Variants in FBXO36 observed in about 807,000 individuals in gnomAD.
FBXO36 encodes the protein F-box protein 36.
Under a neutral mutation model 17.0 loss-of-function variants are expected in FBXO36, and 18 were observed. That is an observed-to-expected ratio of 1.06 (90% CI 0.73 to 1.57). FBXO36 has a LOEUF of 1.57. FBXO36 is among the 40% of genes most tolerant of loss of function. The pLI is 0.00. For missense variants in FBXO36, 229 were observed against 221.9 expected (o/e 1.03, Z -0.20); for synonymous variants, 83 against 85.3 (o/e 0.97, Z 0.15).
At chr2:229,944,802 C>A (rs903489116) in intron 1 of FBXO36, among the ~76,000 whole-genome samples, 3 of 151,856 alleles carry the variant, frequency 2.0e-5, no homozygotes, top group Admixed American at 2.0e-4. Flanking sequence ...ACCATGTTAG[C>A]CAGGATGGTC....
chr2:229,988,331 C>G (rs2077279606), intron 2 of FBXO36, among the ~76,000 whole-genome samples: 1 of 152,072 alleles, frequency 6.6e-6, no homozygotes, highest in South Asian at 2.1e-4. Flanking sequence ...GATGTAAACA[C>G]TTTTGCTTTT....
At chr2:229,999,474 A>C (rs1379531969) in intron 3 of FBXO36, among the ~76,000 whole-genome samples, 1 of 145,842 alleles carries the variant, frequency 6.9e-6, no homozygotes, top group African/African-American at 2.5e-5. Context: ...TCCTTTTGAG[A>C]GTGTGTGTGT....
intron 2 of FBXO36, among the ~76,000 whole-genome samples, chr2:229,983,130 C>A (rs2077249566): frequency 1.3e-5 from 2 of 152,042 alleles, no homozygotes; most frequent in Admixed American, 1.3e-4. Context: ...AATCCCAGCA[C>A]TTTGGGAAGC....
intron 1 of FBXO36, among the ~76,000 whole-genome samples, chr2:229,970,336 A>G (rs887225602): frequency 1.3e-5 from 2 of 152,210 alleles, no homozygotes; most frequent in Middle Eastern, 3.2e-3. Flanking sequence ...CCTGGGCAAC[A>G]TAGTGAGATG....
At position 230,010,940 on chromosome 2, in the gene FBXO36, T is replaced by C; in HGVS notation, c.*56T>C. The C allele has an allele frequency of 6.7e-7, 1 of 1,489,508 alleles. No individual in the cohort carries two copies. The allele number at this position is 1,489,508 out of a possible 1,614,324, so 92.3% of individuals were successfully genotyped here. On this transcript the variant is annotated 3_prime_UTR_variant, in exon 4 of 4. Coordinates refer to ENST00000283946, the MANE Select transcript of FBXO36 (RefSeq NM_174899.5). The stretch of plus-strand genomic sequence containing the variant: ...GGCATGGCTGTGTTTCTCTTCAGTG[T>C]CCAAATCTCTTCTGTCTCCTTTTCT...
In FBXO36 at chr2:229,982,412, CCTT is replaced by C. The variant is rs1262067854; in HGVS notation, c.205+6066_205+6068del. Among the ~76,000 whole-genome samples, 4 of 152,200 alleles carry C rather than the reference CCTT, an allele frequency of 2.6e-5. No individual in the cohort carries two copies. In the South Asian group the frequency reaches 6.2e-4, roughly 24 times the overall value. On this transcript the variant is annotated intron_variant, in intron 2 of 3. Transcript: ENST00000283946. The stretch of plus-strand genomic sequence containing the variant: ...TCACCTTGCCTCCGTGGTCATGTCT[CCTT>C]CTCTGACTATGACTCTCCTGCCTTC...
At chr2:229,949,873 C>T (rs554055184) in intron 1 of FBXO36, among the ~76,000 whole-genome samples, 61 of 152,246 alleles carry the variant, frequency 4.0e-4, no homozygotes, top group African/African-American at 1.4e-3. Context: ...TGCAGTGAGC[C>T]GAGATCGTGC....
chr2:229,934,552 G>C (rs577428827), intron 1 of FBXO36, among the ~76,000 whole-genome samples: 10 of 152,328 alleles, frequency 6.6e-5, no homozygotes, highest in African/African-American at 2.4e-4. Context: ...TGGAAAACCA[G>C]TCAGCAGTCT....
At chr2:229,965,147 CTT>C (rs34600346) in intron 1 of FBXO36, among the ~76,000 whole-genome samples, 1 of 121,138 alleles carries the variant, frequency 8.3e-6, no homozygotes, top group Non-Finnish European at 1.7e-5. Flanking sequence ...TTCTTCCTTC[CTT>C]TTTTTTTTTT....
chr2:229,976,215 T>G (rs1057142321), intron 1 of FBXO36, 26 bp from the exon 2 acceptor site: 3 of 1,535,398 alleles, frequency 2.0e-6, no homozygotes, highest in Non-Finnish European at 2.7e-6. Context: ...CAATTTTAAT[T>G]CATATCACTT....
chr2:230,012,957 C>T lies in FBXO36; in HGVS notation c.*2073C>T, dbSNP rs1446552316. On this transcript the variant is annotated 3_prime_UTR_variant, in exon 4 of 4. Coordinates refer to ENST00000283946, the MANE Select transcript of FBXO36 (RefSeq NM_174899.5). ...CCTACTCACATATATATTATACTTA[C>T]GATATATACTTATATGTAGTATATA... 3 of 149,526 alleles carry T rather than the reference C, an allele frequency of 2.0e-5. No homozygotes were observed. The highest frequency in any genetic ancestry group is 2.1e-4 in the South Asian group (1 of 4,770). The allele number at this position is 149,526 out of a possible 1,614,324, so 9.3% of individuals were successfully genotyped here.
chr2:229,978,019 A>G (rs528552038), intron 2 of FBXO36, among the ~76,000 whole-genome samples: 17 of 152,254 alleles, frequency 1.1e-4, no homozygotes, highest in East Asian at 3.9e-4. Flanking sequence ...TGGGAGGCCA[A>G]TGTGGAAGGA....
chr2:229,988,190 G>T (rs1477945631), intron 2 of FBXO36, among the ~76,000 whole-genome samples: 3 of 152,048 alleles, frequency 2.0e-5, no homozygotes, highest in Non-Finnish European at 4.4e-5. Context: ...TGTGGTCAGA[G>T]AATCTACTCA....
At chr2:229,990,578 G>A (rs1411184417) in intron 2 of FBXO36, among the ~76,000 whole-genome samples, 2 of 152,102 alleles carry the variant, frequency 1.3e-5, no homozygotes, top group Non-Finnish European at 2.9e-5. Flanking sequence ...ATCATTCCAG[G>A]ATTAATCCTA....
At chr2:229,976,456 G>T in intron 2 of FBXO36, 107 bp downstream of exon 2, 1 of 743,900 alleles carries the variant, frequency 1.3e-6, no homozygotes, top group Non-Finnish European at 2.3e-6. Context: ...TTGATATGCA[G>T]TTATGTACTT....
rs373648671 is a variant in FBXO36 at position 229,950,485 on chromosome 2, A to T, written c.97-25756A>T. Among the ~76,000 whole-genome samples, 4 of 152,266 alleles carry T rather than the reference A, an allele frequency of 2.6e-5. No individual in the cohort carries two copies. In the East Asian group the frequency reaches 7.7e-4, roughly 29 times the overall value. ...GGGAAAAGAGAGAGCTGAGTGCAGG[A>T]TAGTGAGGGAGGAATGTGAGGTATG... On this transcript the variant is annotated intron_variant, in intron 1 of 3. Transcript: ENST00000283946.
At chr2:229,954,799 G>A (rs1231738258) in intron 1 of FBXO36, among the ~76,000 whole-genome samples, 6 of 150,496 alleles carry the variant, frequency 4.0e-5, no homozygotes, top group East Asian at 3.9e-4. Flanking sequence ...CGCCTGCCTC[G>A]GCCTCCTAAA....
At chr2:229,970,837 T>A (rs1428848243) in intron 1 of FBXO36, among the ~76,000 whole-genome samples, 1 of 152,334 alleles carries the variant, frequency 6.6e-6, no homozygotes, top group Non-Finnish European at 1.5e-5. Context: ...TAAAATGAGT[T>A]AATTAGTATA....
At chr2:229,958,660 A>C (rs1406056928) in intron 1 of FBXO36, among the ~76,000 whole-genome samples, 1 of 152,018 alleles carries the variant, frequency 6.6e-6, no homozygotes, top group African/African-American at 2.4e-5. Flanking sequence ...TATGTGTTAG[A>C]ATTGTTGGTG....
Sources: allele counts gnomAD v4.1 joint callset (sites outside exome capture counted in the v4.1 genomes callset), GRCh38; gene constraint gnomAD v4.1.1; transcripts MANE v1.5; gene names NCBI Gene and HGNC (gene_info 2026-07-23, HGNC 2026-07-21).